The following CTNNA3 variants were observed in gnomAD, a reference collection of about 807,000 sequenced individuals.
CTNNA3 encodes catenin alpha 3, also known as catenin alpha-3.
Under a neutral mutation model 95.7 loss-of-function variants are expected in CTNNA3, and 76 were observed. That is an observed-to-expected ratio of 0.79 (90% CI 0.66 to 0.96). CTNNA3 has a LOEUF of 0.96. CTNNA3 is among the 40% of genes least tolerant of loss of function. CTNNA3 has a pLI of 0.00. For missense variants in CTNNA3, 1,191 were observed against 1,089.8 expected, an observed-to-expected ratio of 1.09 and a Z score of -1.31; for synonymous variants, 431 against 374.4, an observed-to-expected ratio of 1.15 and a Z score of -1.74.
chr10:66,847,507 TTTG>T (rs1218919749), intron 7 of CTNNA3, among the ~76,000 whole-genome samples: 3 of 152,280 alleles, frequency 2.0e-5, no homozygotes, highest in African/African-American at 7.2e-5. Context: ...GAATGGTAGT[TTTG>T]TTGTTTGATC....
intron 7 of CTNNA3, among the ~76,000 whole-genome samples, chr10:67,149,771 G>A (rs1311486857): frequency 6.6e-6 from 1 of 152,106 alleles, no homozygotes; most frequent in Non-Finnish European, 1.5e-5. Flanking sequence ...CTCAGTGCCT[G>A]GTCCATAGTC....
chr10:66,766,354 C>A lies in CTNNA3; in HGVS notation c.1191G>T (p.Leu397Phe), dbSNP rs751931703. The A allele has an allele frequency of 6.8e-6, 11 of 1,613,480 alleles. 1 individual carries two copies. Among genetic ancestry groups the A allele is most frequent in the Middle Eastern group, 1.6e-4 (1 of 6,076 alleles). ...CATTCTTAGCAGCTTCAATGAGAAC[C>A]AAAAGAGGGACTGTCGTATCCAGGA... ...DSFLDTTVPL[L>F]VLIEAAKNGR... is the part of the protein sequence containing the mutation. Residue 397 changes from leucine (L) to phenylalanine (F), a missense_variant, in exon 9 of 18, where the codon TTG becomes TTT. Physicochemically the swap from Leu to Phe is conservative, Grantham distance 22. Transcript: ENST00000433211.
chr10:67,377,275 A>G (rs1296392563), intron 5 of CTNNA3, among the ~76,000 whole-genome samples: 1 of 152,214 alleles, frequency 6.6e-6, no homozygotes, highest in Admixed American at 6.5e-5. Flanking sequence ...TAGAATGTGT[A>G]TGTAGCAGCA....
intron 7 of CTNNA3, among the ~76,000 whole-genome samples, chr10:67,062,526 T>C (rs1244105586): frequency 1.3e-5 from 2 of 152,178 alleles, no homozygotes; most frequent in East Asian, 3.9e-4. Flanking sequence ...TGTGTGTGTG[T>C]CTGTGTGTCT....
chr10:66,225,389 A>C (rs1486867987), intron 13 of CTNNA3, among the ~76,000 whole-genome samples: 1 of 73,364 alleles, frequency 1.4e-5, no homozygotes, highest in Non-Finnish European at 2.7e-5. Flanking sequence ...CATTTTATTC[A>C]AATATATATA....
intron 6 of CTNNA3, among the ~76,000 whole-genome samples, chr10:67,209,698 C>T (rs1376260218): frequency 1.3e-5 from 2 of 149,396 alleles, no homozygotes; most frequent in Non-Finnish European, 3.0e-5. Context: ...TAAAGGATGA[C>T]AAAAATAAAC....
At chr10:67,689,312 G>A (rs1840796533) in intron 1 of CTNNA3, among the ~76,000 whole-genome samples, 1 of 152,118 alleles carries the variant, frequency 6.6e-6, no homozygotes, top group Non-Finnish European at 1.5e-5. Flanking sequence ...TGTCTGAAGA[G>A]GGATCCTAAA....
intron 13 of CTNNA3, among the ~76,000 whole-genome samples, chr10:66,245,940 G>GA (rs766612462): frequency 1.6e-4 from 24 of 152,334 alleles, no homozygotes; most frequent in Non-Finnish European, 2.5e-4. Flanking sequence ...CAAATGGGAG[G>GA]AAGTGTGCAC....
At chr10:67,108,806 G>A (rs1858778897) in intron 7 of CTNNA3, among the ~76,000 whole-genome samples, 1 of 152,074 alleles carries the variant, frequency 6.6e-6, no homozygotes, top group Admixed American at 6.6e-5. Context: ...TCTGAGTCTA[G>A]TATTTTCCCC....
chr10:66,338,126 G>T (rs965967971), intron 12 of CTNNA3, among the ~76,000 whole-genome samples: 6 of 151,972 alleles, frequency 3.9e-5, no homozygotes, highest in African/African-American at 4.8e-5. Context: ...CCATAAAAAG[G>T]AATGAAGTTT....
At chr10:67,267,450 T>C (rs1337321834) in intron 5 of CTNNA3, among the ~76,000 whole-genome samples, 1 of 152,164 alleles carries the variant, frequency 6.6e-6, no homozygotes, top group Admixed American at 6.5e-5. Context: ...CTGCAAGCTC[T>C]GCCTCCCAGG....
intron 8 of CTNNA3, 118 bp downstream of exon 8, chr10:66,775,326 T>A: frequency 1.4e-6 from 1 of 704,878 alleles, no homozygotes; most frequent in Non-Finnish European, 2.4e-6. Flanking sequence ...TATTTACTCT[T>A]TTTTTCCTGT....
At chr10:67,244,413 C>T (rs1865831855) in intron 5 of CTNNA3, among the ~76,000 whole-genome samples, 1 of 152,134 alleles carries the variant, frequency 6.6e-6, no homozygotes, top group African/African-American at 2.4e-5. Flanking sequence ...TTAGTGCTCC[C>T]TATGTTAACC....
At chr10:66,350,335 A>G (rs1015216250) in intron 12 of CTNNA3, among the ~76,000 whole-genome samples, 42 of 152,140 alleles carry the variant, frequency 2.8e-4, no homozygotes, top group African/African-American at 9.9e-4. Context: ...GCCTAGGCAA[A>G]TGATAGAGCT....
chr10:67,095,422 T>C lies in CTNNA3; in HGVS notation c.1047+84895A>G, dbSNP rs537092995. Among the ~76,000 whole-genome samples the C allele has an allele frequency of 2.6e-5, 4 of 151,816 alleles. No individual in the cohort carries two copies. In the East Asian group the frequency reaches 7.8e-4, roughly 30 times the overall value. On this transcript the variant is annotated intron_variant, in intron 7 of 17. Coordinates refer to ENST00000433211, the MANE Select transcript of CTNNA3 (RefSeq NM_013266.4). ...TAAGACATATCCAACAGTAAGAAAC[T>C]CACTAAAGAAAATAATATGTGGGAT...
At chr10:66,695,970 T>G (rs12258078) in intron 9 of CTNNA3, among the ~76,000 whole-genome samples, 26,413 of 150,882 alleles carry the variant, frequency 0.18, 2,941 homozygotes, top group East Asian at 0.33. Context: ...GTATCCATAT[T>G]CCAAAATAGA....
rs182048362 is a variant in CTNNA3, at chr10:66,282,257, A to G, written c.1733-1636T>C. Among the ~76,000 whole-genome samples the G allele has an allele frequency of 3.5e-3, 530 of 151,794 alleles. 1 individual carries two copies. The highest frequency in any genetic ancestry group is 5.0e-3 in the Non-Finnish European group (339 of 67,768). On this transcript the variant is annotated intron_variant, in intron 12 of 17. Coordinates refer to ENST00000433211, the MANE Select transcript of CTNNA3 (RefSeq NM_013266.4). Reference sequence around the variant, plus strand: ...CTAGGAGAAACAATCTCAAACCACAATTCTCTTATATATGGATGTGACTCT... The same window carrying G: ...CTAGGAGAAACAATCTCAAACCACAGTTCTCTTATATATGGATGTGACTCT...
intron 15 of CTNNA3, among the ~76,000 whole-genome samples, chr10:65,997,520 T>C (rs921078782): frequency 3.3e-5 from 5 of 152,130 alleles, no homozygotes; most frequent in African/African-American, 1.2e-4. Context: ...GTTTGCCCAT[T>C]ACTAAGTTAT....
chr10:66,510,150 GCT>G (rs1840604332), intron 11 of CTNNA3, among the ~76,000 whole-genome samples: 1 of 151,584 alleles, frequency 6.6e-6, no homozygotes, highest in African/African-American at 2.4e-5. Context: ...TTTTTTTGTA[GCT>G]ACTGCAAGTA....
Sources: allele counts gnomAD v4.1 joint callset (sites outside exome capture counted in the v4.1 genomes callset), GRCh38; gene constraint gnomAD v4.1.1; transcripts MANE v1.5; gene names NCBI Gene and HGNC (gene_info 2026-07-23, HGNC 2026-07-21).